Variants in SLC41A3 observed in about 807,000 individuals in gnomAD.
The protein encoded by SLC41A3 is SLC41A1-like 2.
A neutral mutation model predicts 45.4 loss-of-function variants in SLC41A3; 44 were observed. The observed-to-expected ratio is 0.97, with a 90% CI of 0.76 to 1.25. The LOEUF (loss-of-function observed/expected upper bound fraction) is 1.25. SLC41A3 is among the 50% of genes most tolerant of loss of function. The probability of loss-of-function intolerance (pLI) is 0.00; values close to 1 mark genes in which losing one functional copy is unlikely to be tolerated. For missense variants in SLC41A3, 550 were observed against 600.6 expected, an observed-to-expected ratio of 0.92 and a Z score of 0.88; for synonymous variants, 256 against 252.4, an observed-to-expected ratio of 1.01 and a Z score of -0.13.
chr3:126,046,751 C>T (rs896288245), intron 3 of SLC41A3, among the ~76,000 whole-genome samples: 4 of 83,274 alleles, frequency 4.8e-5, no homozygotes, highest in South Asian at 9.7e-4. Context: ...CACTTGAGGT[C>T]AGGAGTTCAA....
intron 1 of SLC41A3, among the ~76,000 whole-genome samples, chr3:126,100,209 C>A (rs1945682089): frequency 8.5e-5 from 2 of 23,668 alleles, no homozygotes; most frequent in Non-Finnish European, 1.7e-4. Context: ...CCCCTCCCTC[C>A]CCCTCTTGCC....
chr3:126,007,637 C>T (rs541594431), intron 10 of SLC41A3, among the ~76,000 whole-genome samples: 9 of 152,194 alleles, frequency 5.9e-5, no homozygotes, highest in Non-Finnish European at 1.2e-4. Context: ...TCCACACAAG[C>T]CTGCTCAGGT....
In SLC41A3 at chr3:126,083,041, A is replaced by G. The variant is rs567256684; in HGVS notation, c.-28+1052T>C. 2.0e-5 allele frequency among the ~76,000 whole-genome samples: 3 copies of G among 152,352 alleles called. No individual in the cohort carries two copies. In the South Asian group the frequency reaches 6.2e-4, roughly 32 times the overall value. ...TGTACCTCTGTTGCCTAATCTGTGAAATGGGGTAATACTACCTACTGTGTA... is the reference window on the plus strand; with the variant it reads ...TGTACCTCTGTTGCCTAATCTGTGAGATGGGGTAATACTACCTACTGTGTA... On this transcript the variant is annotated intron_variant, in intron 1 of 10. Coordinates refer to ENST00000360370, the MANE Select transcript of SLC41A3 (RefSeq NM_017836.4).
intron 2 of SLC41A3, among the ~76,000 whole-genome samples, chr3:126,067,142 G>C (rs1219453761): frequency 7.1e-6 from 1 of 141,012 alleles, no homozygotes; most frequent in Non-Finnish European, 1.5e-5. Flanking sequence ...AGATGATTTG[G>C]TGATCTCCAT....
At chr3:126,019,948 A>G (rs1379843199) in intron 6 of SLC41A3, among the ~76,000 whole-genome samples, 1 of 151,904 alleles carries the variant, frequency 6.6e-6, no homozygotes, top group Non-Finnish European at 1.5e-5. Context: ...TCTGCTTGGC[A>G]CTGCTCTAGT....
At chr3:126,052,639 C>A (rs1177193781) in intron 2 of SLC41A3, among the ~76,000 whole-genome samples, 3 of 152,178 alleles carry the variant, frequency 2.0e-5, no homozygotes, top group Non-Finnish European at 2.9e-5. Context: ...GCTCTCCCTG[C>A]AGGGTGGCAC....
rs747300712 is a variant in SLC41A3 at position 126,007,124 on chromosome 3, C to T, written c.1356G>A (p.Gly452=). ...NHCIPYLTGL[G]DLLGTGLLAL... The stretch of plus-strand genomic sequence containing the variant: ...CCAGGAGGCCAGTACCGAGCAGGTC[C>T]CCCAGCCCTGTAAGGTAGGGGATGC... Residue 452 remains glycine, a synonymous_variant, in exon 11 of 11, where the codon GGG becomes GGA. Transcript: ENST00000360370. 4 of 1,614,198 alleles carry T rather than the reference C, an allele frequency of 2.5e-6. No individual in the cohort carries two copies. The South Asian group carries it at 3.3e-5, about 13-fold the overall frequency.
intron 1 of SLC41A3, among the ~76,000 whole-genome samples, chr3:126,079,211 A>AACACAC (rs63385862): frequency 3.6e-5 from 2 of 54,988 alleles, no homozygotes; most frequent in African/African-American, 1.6e-4. Context: ...AGGTAAGGGA[A>AACACAC]ACACACACAC....
At chr3:126,042,555 A>G (rs1005218548) in intron 3 of SLC41A3, among the ~76,000 whole-genome samples, 1 of 152,242 alleles carries the variant, frequency 6.6e-6, no homozygotes, top group African/African-American at 2.4e-5. Flanking sequence ...AAAAAAATTG[A>G]CAGACACTGA....
intron 2 of SLC41A3, among the ~76,000 whole-genome samples, chr3:126,067,077 G>T (rs1031650612): frequency 1.3e-5 from 2 of 151,244 alleles, no homozygotes; most frequent in African/African-American, 4.9e-5. Flanking sequence ...CTGGGTCAGG[G>T]TCTGTGGGTT....
At chr3:126,060,246 CCGTCT>C (rs977786341) in intron 2 of SLC41A3, among the ~76,000 whole-genome samples, 88 of 152,120 alleles carry the variant, frequency 5.8e-4, no homozygotes, top group African/African-American at 2.0e-3. Context: ...TGGAGAAACC[CCGTCT>C]CTACTAATAA....
At chr3:126,035,779 C>T (rs1201825093) in intron 3 of SLC41A3, among the ~76,000 whole-genome samples, 2 of 152,068 alleles carry the variant, frequency 1.3e-5, no homozygotes, top group Admixed American at 6.5e-5. Flanking sequence ...GTGGAGAAGA[C>T]AGCTCAGAGG....
rs183782133 is a variant in SLC41A3 at position 126,081,372 on chromosome 3, G to C, written c.-28+2721C>G. On this transcript the variant is annotated intron_variant, in intron 1 of 10. Transcript: ENST00000360370. ...GCCTGTGGCGGGACAGGGGGAAAAA[G>C]GGAGGATGGTTAATGGCTAGAAATA... is the stretch of plus-strand genomic sequence containing the variant. Among the ~76,000 whole-genome samples the C allele has an allele frequency of 4.8e-3, 732 of 152,346 alleles. 6 individuals are homozygous for C. The highest frequency in any genetic ancestry group is 7.6e-3 in the Non-Finnish European group (516 of 68,022).
chr3:126,033,774 C>G, intron 3 of SLC41A3, 96 bp from the exon 4 acceptor site: 1 of 1,279,626 alleles, frequency 7.8e-7, no homozygotes, highest in Non-Finnish European at 1.1e-6. Flanking sequence ...AAGAAATCAA[C>G]AAATACCATT....
At chr3:126,089,331 G>C (rs920654915) in intron 1 of SLC41A3, among the ~76,000 whole-genome samples, 1 of 152,136 alleles carries the variant, frequency 6.6e-6, no homozygotes, top group Non-Finnish European at 1.5e-5. Context: ...GTAGAAAAAG[G>C]TTCCTGGGAC....
chr3:126,067,469 T>C (rs1472022373), intron 2 of SLC41A3: 6 of 341,716 alleles, frequency 1.8e-5, no homozygotes, highest in Non-Finnish European at 2.9e-5. Context: ...GACAGAGACA[T>C]GCAGAGGAAA....
At chr3:126,092,211 T>C (rs552817949) in intron 1 of SLC41A3, among the ~76,000 whole-genome samples, 5 of 152,232 alleles carry the variant, frequency 3.3e-5, no homozygotes, top group Admixed American at 2.6e-4. Context: ...CACTGGAAGG[T>C]TGTGGGTTTA....
chr3:126,026,428 C>T lies in SLC41A3; in HGVS notation c.505G>A (p.Gly169Ser), dbSNP rs769644633. ...LLAAVAALLL[G>S]VVSREEVDVA... ...TCCACTTCCTCTCGAGACACCACGC[C>T]CAACAGCAGCGCAGCCACAGCAGCC... Residue 169 changes from glycine to serine, a missense_variant, in exon 5 of 11, where the codon GGC becomes AGC. Transcript: ENST00000360370. This position sits in a 1 kb window ranked among gnomAD's most constrained non-coding sequence, Gnocchi z 4.2. 1.3e-6 allele frequency: 2 copies of T among 1,598,694 alleles called. No homozygotes were observed. Among genetic ancestry groups the T allele is most frequent in the Non-Finnish European group, 1.7e-6 (2 of 1,172,456 alleles).
intron 2 of SLC41A3, among the ~76,000 whole-genome samples, chr3:126,063,371 G>A (rs1944172090): frequency 1.3e-5 from 2 of 152,046 alleles, no homozygotes; most frequent in Admixed American, 6.5e-5. Flanking sequence ...GGAGCTATAG[G>A]CTTCACGGTG....
Sources: gnomAD v4.1 joint callset for allele counts (sites outside exome capture counted in the v4.1 genomes callset) on GRCh38, gnomAD v4.1.1 for gene constraint, Gnocchi (gnomAD v3.1) non-coding constraint, MANE v1.5 for transcripts, NCBI Gene and HGNC (gene_info 2026-07-23, HGNC 2026-07-21) for gene names.